IMMP2L: variants seen among roughly 807,000 people sequenced by gnomAD.
The protein encoded by IMMP2L is mitochondrial inner membrane protease subunit 2.
In IMMP2L, 18 loss-of-function variants were observed where a neutral mutation model predicts 19.3. The observed-to-expected ratio is 0.93, with a 90% CI of 0.64 to 1.38. The LOEUF is 1.38. Among genes scored for constraint, IMMP2L ranks in the 40% most tolerant of loss-of-function variants. The pLI, the probability that IMMP2L is intolerant of heterozygous loss-of-function variation, is 0.00. For synonymous variants in IMMP2L, 76 were observed against 73.0 expected, an observed-to-expected ratio of 1.04 and a Z score of -0.21; for missense variants, 233 against 218.2, an observed-to-expected ratio of 1.07 and a Z score of -0.43.
At chr7:111,348,901 T>G (rs1827854660) in intron 3 of IMMP2L, among the ~76,000 whole-genome samples, 1 of 152,118 alleles carries the variant, frequency 6.6e-6, no homozygotes, top group African/African-American at 2.4e-5. Context: ...CTAAGGACTT[T>G]CCTGGAAAGA....
At chr7:110,742,922 T>C (rs953505170) in intron 5 of IMMP2L, among the ~76,000 whole-genome samples, 4 of 152,192 alleles carry the variant, frequency 2.6e-5, no homozygotes, top group Non-Finnish European at 5.9e-5. Context: ...TGGACATTCC[T>C]ACGTACATTA....
chr7:110,703,911 T>A (rs1401356222), intron 5 of IMMP2L, among the ~76,000 whole-genome samples: 1 of 151,972 alleles, frequency 6.6e-6, no homozygotes, highest in Non-Finnish European at 1.5e-5. Context: ...AGTGGTGTGA[T>A]CTGGGCTCAC....
intron 3 of IMMP2L, among the ~76,000 whole-genome samples, chr7:111,485,739 G>T (rs1842603469): frequency 1.3e-5 from 2 of 149,918 alleles, no homozygotes; most frequent in Admixed American, 1.3e-4. Context: ...ATATAAAATA[G>T]TAGTGTGCTC....
chr7:111,150,449 C>A (rs1055135464), intron 3 of IMMP2L, among the ~76,000 whole-genome samples: 10 of 152,078 alleles, frequency 6.6e-5, no homozygotes, highest in Admixed American at 2.6e-4. Context: ...CGTGAAAAAA[C>A]CACTCATCTT....
At chr7:111,497,566 T>C (rs574581626) in intron 2 of IMMP2L, among the ~76,000 whole-genome samples, 1 of 151,694 alleles carries the variant, frequency 6.6e-6, no homozygotes, top group African/African-American at 2.4e-5. Context: ...AAAAACAAAC[T>C]GCTATGATCC....
intron 3 of IMMP2L, among the ~76,000 whole-genome samples, chr7:111,349,678 C>G (rs1827942919): frequency 6.6e-6 from 1 of 152,062 alleles, no homozygotes; most frequent in South Asian, 2.1e-4. Flanking sequence ...AATGAAGTCC[C>G]TGCTTTAAAG....
At chr7:110,664,595 C>A (rs559417984) in intron 5 of IMMP2L, among the ~76,000 whole-genome samples, 6 of 152,152 alleles carry the variant, frequency 3.9e-5, no homozygotes, top group Non-Finnish European at 5.9e-5. Flanking sequence ...AACAGGAGAA[C>A]ATAGCAAACT....
intron 5 of IMMP2L, among the ~76,000 whole-genome samples, chr7:110,713,562 T>C (rs1009592882): frequency 6.6e-6 from 1 of 152,192 alleles, no homozygotes; most frequent in Admixed American, 6.5e-5. Context: ...TTTTTCCATT[T>C]GTTTGTGTCA....
intron 3 of IMMP2L, among the ~76,000 whole-genome samples, chr7:111,386,879 GGCAT>G (rs1831810737): frequency 6.6e-6 from 1 of 151,962 alleles, no homozygotes; most frequent in Non-Finnish European, 1.5e-5. Context: ...AAGAAAATTA[GGCAT>G]AAAATAACCC....
At chr7:111,020,086 T>TAAA (rs57238777) in intron 3 of IMMP2L, among the ~76,000 whole-genome samples, 1 of 140,264 alleles carries the variant, frequency 7.1e-6, no homozygotes, top group Non-Finnish European at 1.5e-5. Flanking sequence ...ATACAACAAT[T>TAAA]AAAAAAAAAA....
chr7:110,844,693 T>TAGCGCACCAGCATGGCACA (rs1563019069), intron 5 of IMMP2L, among the ~76,000 whole-genome samples: 38 of 116,638 alleles, frequency 3.3e-4, no homozygotes, highest in African/African-American at 3.7e-4. Context: ...GGGAAGACAG[T>TAGCGCACCAGCATGGCACA]TAAGAAACTT....
At chr7:111,085,926 G>A (rs1761971952) in intron 3 of IMMP2L, among the ~76,000 whole-genome samples, 1 of 152,020 alleles carries the variant, frequency 6.6e-6, no homozygotes, top group Non-Finnish European at 1.5e-5. Context: ...TATAAGTGGG[G>A]GCTAAGTGAT....
At chr7:111,271,261 C>A (rs1394930870) in intron 3 of IMMP2L, among the ~76,000 whole-genome samples, 2 of 152,090 alleles carry the variant, frequency 1.3e-5, no homozygotes, top group Non-Finnish European at 2.9e-5. Context: ...CCCAGCCATG[C>A]TGAACGGTGA....
chr7:111,092,557 T>C (rs1021991303), intron 3 of IMMP2L, among the ~76,000 whole-genome samples: 26 of 152,158 alleles, frequency 1.7e-4, no homozygotes, highest in South Asian at 4.1e-4. Context: ...ACCTAGAAAA[T>C]AGTGTGCTCT....
intron 3 of IMMP2L, among the ~76,000 whole-genome samples, chr7:111,030,922 ATAT>A (rs1563176496): frequency 2.9e-4 from 33 of 112,698 alleles, no homozygotes; most frequent in African/African-American, 9.1e-4. Flanking sequence ...ATATATATAT[ATAT>A]AAAATATATA....
chr7:111,000,819 G>A (rs991463215), intron 3 of IMMP2L, among the ~76,000 whole-genome samples: 4 of 149,714 alleles, frequency 2.7e-5, no homozygotes, highest in African/African-American at 1.0e-4. Context: ...ACTCCAGCCT[G>A]GGCAACAGAG....
intron 5 of IMMP2L, among the ~76,000 whole-genome samples, chr7:110,873,766 AC>A (rs1315148411): frequency 6.7e-6 from 1 of 150,106 alleles, no homozygotes; most frequent in Non-Finnish European, 1.5e-5. Flanking sequence ...CAAGAGTGAA[AC>A]TCTGTCTCAG....
At chr7:111,131,729 T>C (rs1801866474) in intron 3 of IMMP2L, among the ~76,000 whole-genome samples, 1 of 151,986 alleles carries the variant, frequency 6.6e-6, no homozygotes, top group East Asian at 1.9e-4. Flanking sequence ...TCATGAAATT[T>C]CTTTGAGTTC....
chr7:111,126,685 G>A (rs1801346033), intron 3 of IMMP2L, among the ~76,000 whole-genome samples: 1 of 152,008 alleles, frequency 6.6e-6, no homozygotes, highest in South Asian at 2.1e-4. Context: ...TAAGATTTTT[G>A]AGGATTTCAG....
Sources: gnomAD v4.1 joint callset for allele counts (sites outside exome capture counted in the v4.1 genomes callset) on GRCh38, gnomAD v4.1.1 for gene constraint, MANE v1.5 for transcripts, NCBI Gene and HGNC (gene_info 2026-07-23, HGNC 2026-07-21) for gene names.